FAAH2: variants seen among roughly 807,000 people sequenced by gnomAD.
FAAH2 encodes the protein fatty acid amide hydrolase 2.
FAAH2 carries 60 observed loss-of-function variants against 36.9 expected under a neutral mutation model. That is an observed-to-expected ratio of 1.63 (90% CI 1.32 to 2.02). The LOEUF (loss-of-function observed/expected upper bound fraction) is 2.02. FAAH2 is among the 30% of genes most tolerant of loss of function. The pLI is 0.00. For synonymous variants in FAAH2, 214 were observed against 143.8 expected (o/e 1.49, Z -3.49); for missense variants, 689 against 397.5 (o/e 1.73, Z -6.23).
chrX:57,394,162 G>A lies in FAAH2; in HGVS notation c.996+13133G>A, dbSNP rs904736067. The A allele has an allele frequency of 1.2e-4, 75 of 651,007 alleles. No individual in the cohort carries two copies. The Middle Eastern group carries it at 1.5e-3, about 13-fold the overall frequency. The allele number at this position is 651,007 out of a possible 1,213,427, so 53.7% of individuals were successfully genotyped here. A position where few individuals can be genotyped will look rare whatever the true frequency, so the allele number is the denominator to read the frequency against. Reference sequence around the variant, plus strand: ...CTTCCATAGGAATGACCTGGGAGTAGCCGCCTCCTGCAACACCACCTTTTA... The same window carrying A: ...CTTCCATAGGAATGACCTGGGAGTAACCGCCTCCTGCAACACCACCTTTTA... On this transcript the variant is annotated intron_variant, in intron 7 of 10. Coordinates refer to ENST00000374900, the MANE Select transcript of FAAH2 (RefSeq NM_174912.4).
At chrX:57,361,034 C>A (rs1028493239) in intron 5 of FAAH2, among the ~76,000 whole-genome samples, 1 of 111,644 alleles carries the variant, frequency 9.0e-6, no homozygotes, top group Admixed American at 9.5e-5. Flanking sequence ...GCATAGTATT[C>A]CATGGTGTAT....
chrX:57,302,699 C>G (rs1214067470), intron 2 of FAAH2, among the ~76,000 whole-genome samples: 2 of 111,424 alleles, frequency 1.8e-5, no homozygotes, highest in African/African-American at 6.5e-5. Context: ...ACTGGCTGTA[C>G]TTGAATCACT....
At chrX:57,129,883 G>T in the FAAH2 span, among the ~76,000 whole-genome samples, 30,378 of 111,300 alleles carry the variant, frequency 0.27, 3,220 homozygotes, top group Middle Eastern at 0.55. Context: ...TCAAGAATGA[G>T]CAATAGATTG....
At chrX:57,128,543 A>G in the FAAH2 span, among the ~76,000 whole-genome samples, 1 of 111,770 alleles carries the variant, frequency 8.9e-6, no homozygotes, top group East Asian at 2.8e-4. Flanking sequence ...TAACTAAAAT[A>G]TGCAGAGACT....
the FAAH2 span, among the ~76,000 whole-genome samples, chrX:57,133,979 C>T: frequency 9.0e-6 from 1 of 111,210 alleles, no homozygotes; most frequent in African/African-American, 3.3e-5. Flanking sequence ...GTTACGGTAA[C>T]CTGGGCAGCA....
At chrX:57,392,738 T>C (rs2055196166) in intron 7 of FAAH2, 2 of 611,183 alleles carry the variant, frequency 3.3e-6, no homozygotes, top group South Asian at 2.2e-5. Context: ...TCGTTCCTAC[T>C]AAAGGGTACA....
chrX:57,346,024 G>A (rs956374720), intron 5 of FAAH2, among the ~76,000 whole-genome samples: 18 of 111,363 alleles, frequency 1.6e-4, no homozygotes, highest in Middle Eastern at 4.6e-3. Flanking sequence ...AATTTATTGA[G>A]ACTTGCTGTA....
intron 2 of FAAH2, among the ~76,000 whole-genome samples, chrX:57,301,377 C>A (rs2052359994): frequency 9.6e-6 from 1 of 104,395 alleles, no homozygotes; most frequent in South Asian, 4.4e-4. Context: ...AAACCAAACA[C>A]CACATGTTCT....
intron 3 of FAAH2, among the ~76,000 whole-genome samples, chrX:57,320,984 C>CA (rs768843401): frequency 9.1e-6 from 1 of 109,608 alleles, no homozygotes; most frequent in African/African-American, 3.3e-5. Context: ...CTAAAAAATA[C>CA]AAAAAATTAG....
At chrX:57,247,165 T>C in the FAAH2 span, among the ~76,000 whole-genome samples, 1 of 112,000 alleles carries the variant, frequency 8.9e-6, no homozygotes, top group Non-Finnish European at 1.9e-5. Context: ...AACTGTGATA[T>C]ACTAGTTTAG....
chrX:57,289,335 T>C (rs1056571003), intron 1 of FAAH2, among the ~76,000 whole-genome samples: 3 of 110,684 alleles, frequency 2.7e-5, no homozygotes, highest in Non-Finnish European at 5.7e-5. Context: ...GTCCCTATGA[T>C]TACTCTTCTA....
the FAAH2 span, among the ~76,000 whole-genome samples, chrX:57,255,369 C>T: frequency 1.8e-5 from 2 of 112,051 alleles, no homozygotes; most frequent in African/African-American, 3.2e-5. Flanking sequence ...TGGTAACATT[C>T]TTCTGAAACT....
At chrX:57,434,618 C>T (rs764927002) in intron 8 of FAAH2, among the ~76,000 whole-genome samples, 1 of 109,932 alleles carries the variant, frequency 9.1e-6, no homozygotes. Context: ...GACAAATGAA[C>T]AAAGCCCTTA....
intron 10 of FAAH2, among the ~76,000 whole-genome samples, chrX:57,479,502 C>T (rs1274317430): frequency 9.0e-6 from 1 of 111,062 alleles, no homozygotes; most frequent in Non-Finnish European, 1.9e-5. Flanking sequence ...GCCTAATTTC[C>T]CTGGCCAGAA....
chrX:57,306,115 A>G (rs186743746), intron 2 of FAAH2, among the ~76,000 whole-genome samples: 43 of 111,809 alleles, frequency 3.8e-4, no homozygotes, highest in Non-Finnish European at 3.2e-4. Context: ...AAGCTTTCTT[A>G]TTTCCAGAAA....
At chrX:57,301,636 TAATAATAAAAG>T (rs2052375489) in intron 2 of FAAH2, among the ~76,000 whole-genome samples, 1 of 50,762 alleles carries the variant, frequency 2.0e-5, no homozygotes, top group Non-Finnish European at 4.5e-5. Context: ...ATAATAATAA[TAATAATAAAAG>T]AAATATCTTC....
At chrX:57,273,372 G>A in the FAAH2 span, among the ~76,000 whole-genome samples, 1 of 111,489 alleles carries the variant, frequency 9.0e-6, no homozygotes, top group Non-Finnish European at 1.9e-5. Flanking sequence ...AATTAACAGT[G>A]ATATTCAAGA....
At chrX:57,465,199 A>G (rs1322118615) in intron 10 of FAAH2, among the ~76,000 whole-genome samples, 2 of 111,812 alleles carry the variant, frequency 1.8e-5, no homozygotes, top group African/African-American at 6.5e-5. Context: ...GCATAATTTA[A>G]TCTAATGAAC....
chrX:57,153,353 G>A, the FAAH2 span, among the ~76,000 whole-genome samples: 1 of 111,857 alleles, frequency 8.9e-6, no homozygotes, highest in Non-Finnish European at 1.9e-5. Flanking sequence ...GAACATTTAG[G>A]CCATTTATAT....
Sources: allele counts gnomAD v4.1 joint callset (sites outside exome capture counted in the v4.1 genomes callset), GRCh38; gene constraint gnomAD v4.1.1; transcripts MANE v1.5; gene names NCBI Gene and HGNC (gene_info 2026-07-23, HGNC 2026-07-21).